The following JAK2 variants were observed in gnomAD, a reference collection of about 807,000 sequenced individuals.
JAK2 encodes the protein tyrosine-protein kinase JAK2.
JAK2 carries 86 observed loss-of-function variants against 139.3 expected under a neutral mutation model. The observed-to-expected ratio is 0.62, with a 90% CI of 0.52 to 0.74. The LOEUF (loss-of-function observed/expected upper bound fraction) is 0.74. Ranked by LOEUF, JAK2 falls within the 30% of genes least tolerant of loss-of-function variation. The pLI, the probability that JAK2 is intolerant of heterozygous loss-of-function variation, is 0.00. For synonymous variants in JAK2, 490 were observed against 437.7 expected (o/e 1.12, Z -1.49); for missense variants, 1,421 against 1,360.3 (o/e 1.04, Z -0.70).
chr9:5,017,659 T>C (rs909415572), intron 2 of JAK2, among the ~76,000 whole-genome samples: 1 of 152,208 alleles, frequency 6.6e-6, no homozygotes, highest in Non-Finnish European at 1.5e-5. Context: ...CTGCATTTAA[T>C]ACTGACTATA....
chr9:5,013,381 A>G (rs543678544), intron 2 of JAK2, among the ~76,000 whole-genome samples: 9 of 152,382 alleles, frequency 5.9e-5, no homozygotes, highest in Admixed American at 2.6e-4. Context: ...AAAGTAAATC[A>G]AAATGGTTAT....
At position 5,073,690 on chromosome 9, in the gene JAK2, T is replaced by C; in HGVS notation, c.1777-8T>C. On this transcript the variant is annotated splice_polypyrimidine_tract_variant and splice_region_variant and intron_variant, in intron 13 of 24. Transcript: ENST00000381652. Reference sequence around the variant, plus strand: ...ACAACAATTCTTTGTACTTTTTTTTTTCCTTAGTCTTTCTTTGAAGCAGCA... The same window carrying C: ...ACAACAATTCTTTGTACTTTTTTTTCTCCTTAGTCTTTCTTTGAAGCAGCA... 1 of 1,601,276 alleles carries C rather than the reference T, an allele frequency of 6.2e-7. No homozygotes were observed.
chr9:5,092,472 T>G (rs1820662125), intron 22 of JAK2, among the ~76,000 whole-genome samples: 1 of 152,124 alleles, frequency 6.6e-6, no homozygotes, highest in Non-Finnish European at 1.5e-5. Flanking sequence ...CCTGGTCACT[T>G]TGAGCCAACC....
chr9:5,082,062 G>A (rs1055900662), intron 19 of JAK2, among the ~76,000 whole-genome samples: 1 of 152,216 alleles, frequency 6.6e-6, no homozygotes, highest in Non-Finnish European at 1.5e-5. Flanking sequence ...CTCCACACCT[G>A]TGGGTAATTC....
chr9:4,999,965 G>C (rs1344629251), intron 2 of JAK2, among the ~76,000 whole-genome samples: 1 of 151,878 alleles, frequency 6.6e-6, no homozygotes, highest in Non-Finnish European at 1.5e-5. Flanking sequence ...CATTCTTCTT[G>C]TTTACCAGTC....
chr9:5,119,132 G>C (rs1161509499), intron 22 of JAK2, among the ~76,000 whole-genome samples: 1 of 152,102 alleles, frequency 6.6e-6, no homozygotes, highest in Non-Finnish European at 1.5e-5. Context: ...AGGTTGAGTA[G>C]ATTTTGTGAA....
At chr9:5,056,969 T>C (rs1025530718) in intron 8 of JAK2, among the ~76,000 whole-genome samples, 4 of 152,192 alleles carry the variant, frequency 2.6e-5, no homozygotes, top group African/African-American at 7.2e-5. Flanking sequence ...CACTAACTTC[T>C]TTGCTAAGTA....
intron 2 of JAK2, among the ~76,000 whole-genome samples, chr9:5,017,915 A>C (rs1016409257): frequency 2.6e-5 from 4 of 152,132 alleles, no homozygotes; most frequent in Admixed American, 2.0e-4. Context: ...TGTGACTTAA[A>C]GTCTGTTGTA....
At position 5,090,900 on chromosome 9, in the gene JAK2, TC is replaced by T; in HGVS notation, c.3051del (p.Ile1018TyrfsTer9). The T allele has an allele frequency of 6.2e-7, 1 of 1,600,894 alleles. No homozygotes were observed. The highest frequency in any genetic ancestry group is 8.5e-7 in the Non-Finnish European group (1 of 1,174,832). ...YYKVKEPGES[P>X]IFWYAPESLT... ...ATAAAGTAAAAGAACCTGGTGAAAG[TC>T]CCATATTCTGGTGAGTATATTTCAG... On this transcript the variant is annotated frameshift_variant, in exon 22 of 25. Transcript: ENST00000381652. LOFTEE classifies it high-confidence loss of function.
intron 8 of JAK2, among the ~76,000 whole-genome samples, chr9:5,059,524 T>A (rs1818007228): frequency 6.6e-6 from 1 of 152,174 alleles, no homozygotes; most frequent in Non-Finnish European, 1.5e-5. Context: ...CCATGAACAT[T>A]CTTATACATA....
chr9:5,011,631 G>C (rs1821706698), intron 2 of JAK2, among the ~76,000 whole-genome samples: 1 of 151,858 alleles, frequency 6.6e-6, no homozygotes, highest in African/African-American at 2.4e-5. Context: ...GTCTGCTTTG[G>C]GTCCATTTCT....
intron 15 of JAK2, among the ~76,000 whole-genome samples, 184 bp downstream of exon 15, chr9:5,077,764 GA>G (rs1238658708): frequency 2.0e-5 from 3 of 151,862 alleles, no homozygotes; most frequent in Non-Finnish European, 4.4e-5. Flanking sequence ...AATCACTTTT[GA>G]AAAAAAAGTT....
intron 8 of JAK2, among the ~76,000 whole-genome samples, chr9:5,063,010 T>G (rs569982188): frequency 7.2e-5 from 11 of 152,308 alleles, no homozygotes; most frequent in African/African-American, 2.4e-4. Context: ...TAATTTTGTT[T>G]AGGATACCTT....
intron 4 of JAK2, among the ~76,000 whole-genome samples, chr9:5,035,000 TAAGAA>T (rs769538596): frequency 1.4e-4 from 21 of 150,842 alleles, no homozygotes; most frequent in Non-Finnish European, 2.7e-4. Flanking sequence ...GCAAGAATAA[TAAGAA>T]AAGAGAGAAG....
chr9:5,085,143 A>G, intron 19 of JAK2: 2 of 648,092 alleles, frequency 3.1e-6, no homozygotes, highest in Non-Finnish European at 6.0e-6. Flanking sequence ...TCTGTAATAC[A>G]TACTGTGGAG....
chr9:5,006,427 T>G (rs1821304977), intron 2 of JAK2, among the ~76,000 whole-genome samples: 1 of 152,172 alleles, frequency 6.6e-6, no homozygotes, highest in African/African-American at 2.4e-5. Context: ...ACAATCATGG[T>G]ATATTCAATT....
At chr9:5,031,944 G>A (rs541256554) in intron 4 of JAK2, among the ~76,000 whole-genome samples, 79 of 152,366 alleles carry the variant, frequency 5.2e-4, no homozygotes, top group East Asian at 1.9e-4. Context: ...CTGAGCATGA[G>A]CCGAAGCAGG....
Position 5,081,721 on chromosome 9 carries a change from C to T in JAK2, c.2435-4C>T, listed in dbSNP as rs1231788312. On this transcript the variant is annotated splice_region_variant and splice_polypyrimidine_tract_variant and intron_variant, in intron 18 of 24. Transcript: ENST00000381652. The stretch of plus-strand genomic sequence containing the variant: ...TAAGGTGATAATATTCTTTATTTCT[C>T]CAGATTATGAACTATTAACAGAAAA... The T allele has an allele frequency of 1.3e-6, 2 of 1,582,580 alleles. No individual in the cohort carries two copies. Among genetic ancestry groups the T allele is most frequent in the South Asian group, 2.2e-5 (2 of 90,282 alleles).
At chr9:5,010,661 A>G (rs755158334) in intron 2 of JAK2, among the ~76,000 whole-genome samples, 1 of 152,166 alleles carries the variant, frequency 6.6e-6, no homozygotes, top group South Asian at 2.1e-4. Context: ...GAAGAAGAAT[A>G]ATATTATAAT....
Sources: gnomAD v4.1 joint callset for allele counts (sites outside exome capture counted in the v4.1 genomes callset) on GRCh38, gnomAD v4.1.1 for gene constraint, MANE v1.5 for transcripts, NCBI Gene and HGNC (gene_info 2026-07-23, HGNC 2026-07-21) for gene names.